Variants in POLRMT observed in about 807,000 individuals in gnomAD.
The protein encoded by POLRMT is RNA polymerase mitochondrial, also known as DNA-directed RNA polymerase, mitochondrial.
A neutral mutation model predicts 132.2 loss-of-function variants in POLRMT; 114 were observed. That is an observed-to-expected ratio of 0.86 (90% CI 0.74 to 1.01). The LOEUF is 1.01. Among genes scored for constraint, POLRMT ranks in the 50% least tolerant of loss-of-function variants. The probability of loss-of-function intolerance (pLI) is 0.00; values close to 1 mark genes in which losing one functional copy is unlikely to be tolerated. For synonymous variants in POLRMT, 1,020 were observed against 773.4 expected (o/e 1.32, Z -5.29); for missense variants, 2,003 against 1,729.1 (o/e 1.16, Z -2.81).
chr19:617,722 C>A, intron 18 of POLRMT, 55 bp downstream of exon 18: 6 of 1,611,436 alleles, frequency 3.7e-6, no homozygotes, highest in Non-Finnish European at 4.2e-6. Flanking sequence ...CTACCCAACG[C>A]CCCAGTGTGG....
At chr19:632,426 G>T (rs1985485370) in intron 2 of POLRMT, among the ~76,000 whole-genome samples, 1 of 152,016 alleles carries the variant, frequency 6.6e-6, no homozygotes, top group Non-Finnish European at 1.5e-5. Context: ...CCCAAGTTTC[G>T]CAGTCATCCA....
chr19:619,548 G>A (rs774851437), intron 13 of POLRMT, 38 bp downstream of exon 13: 1 of 1,608,998 alleles, frequency 6.2e-7, no homozygotes, highest in Admixed American at 1.7e-5. Flanking sequence ...AAATGGCAGT[G>A]AAACCAACGT....
At chr19:626,514 C>A (rs1391671820) in intron 3 of POLRMT, among the ~76,000 whole-genome samples, 1 of 147,692 alleles carries the variant, frequency 6.8e-6, no homozygotes, top group Non-Finnish European at 1.5e-5. Flanking sequence ...TGGCCAGGCA[C>A]AGTGGCTCAT....
At chr19:619,376 G>A (rs1600558661) in intron 13 of POLRMT, 80 bp from the exon 14 acceptor site, 2 of 1,500,010 alleles carry the variant, frequency 1.3e-6, no homozygotes, top group South Asian at 1.1e-5. Context: ...CAGAGCCACT[G>A]AGGCCCAAGG....
intron 11 of POLRMT, 44 bp downstream of exon 11, chr19:620,321 A>C: frequency 6.6e-7 from 1 of 1,516,808 alleles, no homozygotes; most frequent in Non-Finnish European, 8.9e-7. Context: ...CCCCAGGCCC[A>C]GTGCACACTG....
At chr19:627,570 A>G (rs1985113728) in intron 3 of POLRMT, among the ~76,000 whole-genome samples, 1 of 152,156 alleles carries the variant, frequency 6.6e-6, no homozygotes. Flanking sequence ...AGTAGCACAC[A>G]CAGCTGTTGG....
At position 629,074 on chromosome 19, in the gene POLRMT, G is replaced by C. The variant is rs914521418; in HGVS notation, c.822+466C>G. Among the ~76,000 whole-genome samples, 4 of 152,092 alleles carry C rather than the reference G, an allele frequency of 2.6e-5. No homozygotes were observed. The East Asian group carries it at 7.7e-4, about 29-fold the overall frequency. Reference sequence around the variant, plus strand: ...GAAAATACTCCAGATGAACCACAACGAAGATGGGTGGGATACATCTAAAGC... The same window carrying C: ...GAAAATACTCCAGATGAACCACAACCAAGATGGGTGGGATACATCTAAAGC... On this transcript the variant is annotated intron_variant, in intron 3 of 20. Transcript: ENST00000588649.
rs1984094687 is a variant in POLRMT at position 617,622 on chromosome 19, C to T, written c.3529G>A (p.Glu1177Lys). 1.2e-6 allele frequency: 2 copies of T among 1,612,388 alleles called. No individual in the cohort carries two copies. Among genetic ancestry groups the T allele is most frequent in the African/African-American group, 1.3e-5 (1 of 75,004 alleles). The part of the protein sequence containing the change: ...CREQFVRLHS[E>K]PILQDLSRFL... ...CTGGACAGGTCCTGCAGGATGGGCT[C>T]GCTGTGCAAGCGGACAAACTGCTCC... Residue 1177 changes from glutamate (E) to lysine (K), a missense_variant, in exon 19 of 21, where the codon GAG (glutamate) becomes AAG (lysine). Coordinates refer to ENST00000588649, the MANE Select transcript of POLRMT (RefSeq NM_005035.4).
intron 3 of POLRMT, among the ~76,000 whole-genome samples, chr19:627,597 C>A (rs1003901098): frequency 1.3e-5 from 2 of 152,028 alleles, no homozygotes; most frequent in African/African-American, 4.8e-5. Context: ...CGGAAAATTC[C>A]CAACATCATA....
chr19:620,205 C>T, intron 11 of POLRMT, 125 bp from the exon 12 acceptor site: 2 of 1,466,332 alleles, frequency 1.4e-6, no homozygotes, highest in South Asian at 1.3e-5. Flanking sequence ...CACCGGAGCC[C>T]CCGCACGCTC....
Position 620,383 on chromosome 19 carries a change from G to A in POLRMT, c.2745C>T (p.Ser915=). The part of the protein sequence containing the change: ...VRASDPAAYV[S]HLPVHQDGSC... ...GGCTCACCTGATGGACGGGGAGGTGGGAGACATAGGCGGCAGGGTCGGAGG... is the reference window on the plus strand; with the variant it reads ...GGCTCACCTGATGGACGGGGAGGTGAGAGACATAGGCGGCAGGGTCGGAGG... Residue 915 remains serine (S), a synonymous_variant, in exon 11 of 21, where the codon TCC becomes TCT. Transcript: ENST00000588649. 1.3e-6 allele frequency: 2 copies of A among 1,580,108 alleles called. No individual in the cohort carries two copies. The highest frequency in any genetic ancestry group is 1.7e-6 in the Non-Finnish European group (2 of 1,164,126).
intron 8 of POLRMT, 80 bp from the exon 9 acceptor site, chr19:622,453 G>A: frequency 6.9e-7 from 1 of 1,459,638 alleles, no homozygotes; most frequent in Non-Finnish European, 9.1e-7. Flanking sequence ...GACGCCCGGT[G>A]GGGCATCTGT....
rs59746130 is a variant in POLRMT, at chr19:626,696, C to CAAAAAAAAAAAA, written c.823-1454_823-1443dup. On this transcript the variant is annotated intron_variant, in intron 3 of 20. Coordinates refer to ENST00000588649, the MANE Select transcript of POLRMT (RefSeq NM_005035.4). ...GCCTGTGCTCCCTCCACTAAAAATA[C>CAAAAAAAAAAAA]AAAAAAAAAAAAAAATTAGCTGGGC... Among the ~76,000 whole-genome samples the CAAAAAAAAAAAA allele has an allele frequency of 3.0e-4, 32 of 105,020 alleles. 1 individual carries two copies. Among genetic ancestry groups the CAAAAAAAAAAAA allele is most frequent in the African/African-American group, 1.3e-3 (31 of 23,136 alleles). 68.9% of individuals were successfully genotyped at this position (105,020 alleles called of 152,430 possible). A position where few individuals can be genotyped will look rare whatever the true frequency, so the allele number is the denominator to read the frequency against.
Position 629,948 on chromosome 19 carries a change from C to G in POLRMT, c.414G>C (p.Gln138His), listed in dbSNP as rs1371496312. 8 of 1,613,666 alleles carry G rather than the reference C, an allele frequency of 5.0e-6. No individual in the cohort carries two copies. Among genetic ancestry groups the G allele is most frequent in the Non-Finnish European group, 6.8e-6 (8 of 1,180,040 alleles). Residue 138 changes from glutamine to histidine, a missense_variant, in exon 3 of 21, where the codon CAG becomes CAC. Gln to His is a conservative substitution (Grantham distance 24). Transcript: ENST00000588649. ...GCATCTGCAGCTTCGCCTTCAACCG[C>G]TGCATACGCATCTGCTGGGTCCGCT... ...KDKRTQQMRMQRLKAKLQMPF... is the reference protein window; with the variant it reads ...KDKRTQQMRMHRLKAKLQMPF...
In POLRMT at chr19:619,084, G is replaced by A; in HGVS notation, c.3180C>T (p.Leu1060=). Residue 1060 remains leucine, a synonymous_variant, in exon 15 of 21, where the codon CTC becomes CTT. Coordinates refer to ENST00000588649, the MANE Select transcript of POLRMT (RefSeq NM_005035.4). ...IQHWLTESAR[L]ISHMGSVVEW... ...CCACCACAGAGCCCATGTGGGAGAT[G>A]AGGCGGGCACTCTCGGTCAGCCAGT... 2 of 1,611,124 alleles carry A rather than the reference G, an allele frequency of 1.2e-6. No homozygotes were observed. Among genetic ancestry groups the A allele is most frequent in the Non-Finnish European group, 1.7e-6 (2 of 1,179,186 alleles).
chr19:629,771 C>G lies in POLRMT; in HGVS notation c.591G>C (p.Glu197Asp), dbSNP rs2144691123. ...WEEQLARLLQ[E>D]APGKLSLDVE... The stretch of plus-strand genomic sequence containing the variant: ...CATCGAGGCTCAGCTTCCCAGGGGC[C>G]TCCTGCAGCAGCCGGGCCAGCTGCT... The change falls in exon 3 of 21, where the codon GAG (glutamate) becomes GAC (aspartate). Residue 197 changes from glutamate to aspartate, a missense_variant. Transcript: ENST00000588649. 6.4e-7 allele frequency: 1 copy of G among 1,569,116 alleles called. No individual in the cohort carries two copies. Among genetic ancestry groups the G allele is most frequent in the East Asian group, 2.3e-5 (1 of 44,116 alleles).
Position 617,468 on chromosome 19 carries a change from G to A in POLRMT, c.3594C>T (p.Ile1198=), listed in dbSNP as rs752550126. ...TCTCCTTCAGCTGGCTGGCCTCCAA[G>A]ATCTTCTGGGGCCTGGGGTTGGAAG... ...VKRFCSEPQK[I]LEASQLKETL... is the part of the protein sequence containing the mutation. Residue 1198 remains isoleucine, a synonymous_variant, in exon 20 of 21, where the codon ATC becomes ATT. Transcript: ENST00000588649. 5 of 1,603,050 alleles carry A rather than the reference G, an allele frequency of 3.1e-6. No homozygotes were observed. The highest frequency in any genetic ancestry group is 3.4e-5 in the Admixed American group (2 of 59,658).
rs780580596 is a variant in POLRMT at position 618,544 on chromosome 19, G to A, written c.3366C>T (p.Asn1122=). The A allele has an allele frequency of 3.7e-6, 6 of 1,613,316 alleles. No individual in the cohort carries two copies. The highest frequency in any genetic ancestry group is 2.7e-5 in the African/African-American group (2 of 74,928). ...GGGAGGAGTCCAGCGAGTGGATGAA[G>A]TTGGGCGGGAAGCCGTTCTTCTGCT... ...TRKQKNGFPP[N]FIHSLDSSHM... The change falls in exon 17 of 21, where the codon AAC becomes AAT. Residue 1122 remains asparagine, a synonymous_variant. Transcript: ENST00000588649.
chr19:618,244 G>T, intron 17 of POLRMT: 1 of 555,620 alleles, frequency 1.8e-6, no homozygotes, highest in Non-Finnish European at 3.2e-6. Context: ...GCCAAGAAAT[G>T]CCCAGCAGGA....
Sources: allele counts gnomAD v4.1 joint callset (sites outside exome capture counted in the v4.1 genomes callset), GRCh38; gene constraint gnomAD v4.1.1; transcripts MANE v1.5; gene names NCBI Gene and HGNC (gene_info 2026-07-23, HGNC 2026-07-21).